The following KLRB1 variants were observed in gnomAD, a reference collection of about 807,000 sequenced individuals.
KLRB1 encodes killer cell lectin like receptor B1, also known as killer cell lectin-like receptor subfamily B member 1.
Under a neutral mutation model 33.5 loss-of-function variants are expected in KLRB1, and 27 were observed. That is an observed-to-expected ratio of 0.81 (90% CI 0.59 to 1.11). The LOEUF is 1.11. Ranked by LOEUF, KLRB1 falls within the 50% of genes most tolerant of loss-of-function variation. The probability of loss-of-function intolerance (pLI) is 0.00; values close to 1 mark genes in which losing one functional copy is unlikely to be tolerated. For synonymous variants in KLRB1, 64 were observed against 88.9 expected (o/e 0.72, Z 1.58); for missense variants, 241 against 254.1 (o/e 0.95, Z 0.35).
intron 1 of KLRB1, among the ~76,000 whole-genome samples, chr12:9,602,421 T>A (rs1864555993): frequency 6.6e-6 from 1 of 151,972 alleles, no homozygotes; most frequent in African/African-American, 2.4e-5. Context: ...AGAAAAAAAA[T>A]AAAGAGAGAT....
intron 1 of KLRB1, among the ~76,000 whole-genome samples, chr12:9,607,325 C>G (rs1346800841): frequency 7.7e-5 from 4 of 52,210 alleles, no homozygotes; most frequent in Admixed American, 4.4e-4. Context: ...TCTTTTCTTT[C>G]TCTTTCTTTC....
At chr12:9,601,703 A>C in intron 1 of KLRB1, 104 bp from the exon 2 acceptor site, 1 of 706,882 alleles carries the variant, frequency 1.4e-6, no homozygotes, top group Non-Finnish European at 2.5e-6. Context: ...ACTTGGGATA[A>C]CATAGGGACA....
chr12:9,606,760 A>ATT (rs1185510083), intron 1 of KLRB1, among the ~76,000 whole-genome samples: 5 of 63,736 alleles, frequency 7.8e-5, no homozygotes, highest in South Asian at 8.0e-4. Context: ...ATATATATAT[A>ATT]TTTTTTTTTT....
intron 2 of KLRB1, 98 bp from the exon 3 acceptor site, chr12:9,599,939 C>T (rs769211469): frequency 3.1e-5 from 21 of 686,590 alleles, no homozygotes; most frequent in East Asian, 1.1e-4. Flanking sequence ...AATCTCAACA[C>T]GCTTGAATAT....
At chr12:9,607,589 T>A (rs188118385) in intron 1 of KLRB1, 166 bp downstream of exon 1, 1 of 564,260 alleles carries the variant, frequency 1.8e-6, no homozygotes, top group African/African-American at 1.9e-5. Flanking sequence ...TTAAATTTTT[T>A]TTCCCAAAGT....
At chr12:9,604,187 A>G (rs1441723574) in intron 1 of KLRB1, among the ~76,000 whole-genome samples, 2 of 152,174 alleles carry the variant, frequency 1.3e-5, no homozygotes, top group African/African-American at 2.4e-5. Context: ...TGAAGTTACA[A>G]TGAATCACTA....
At chr12:9,603,975 T>C (rs1045729081) in intron 1 of KLRB1, among the ~76,000 whole-genome samples, 1 of 152,076 alleles carries the variant, frequency 6.6e-6, no homozygotes, top group African/African-American at 2.4e-5. Flanking sequence ...GTCTGGCACA[T>C]GGTAACTGTT....
intron 1 of KLRB1, among the ~76,000 whole-genome samples, chr12:9,603,425 C>CTATTTATT (rs56793467): frequency 3.7e-4 from 56 of 150,492 alleles, no homozygotes; most frequent in African/African-American, 1.0e-3. Context: ...TAACTTAATT[C>CTATTTATT]TATTTATTTA....
intron 3 of KLRB1, 94 bp downstream of exon 3, chr12:9,599,673 A>C: frequency 1.2e-6 from 1 of 835,984 alleles, no homozygotes; most frequent in Non-Finnish European, 2.1e-6. Flanking sequence ...AGAATATCTT[A>C]ACATATGGAT....
Position 9,605,070 on chromosome 12 carries a change from G to C in KLRB1, c.85+2685C>G, listed in dbSNP as rs953074621. Among the ~76,000 whole-genome samples, 13 of 152,104 alleles carry C rather than the reference G, an allele frequency of 8.5e-5. 1 individual carries two copies. Among genetic ancestry groups the C allele is most frequent in the Admixed American group, 6.6e-4 (10 of 15,254 alleles). On this transcript the variant is annotated intron_variant, in intron 1 of 5. Transcript: ENST00000229402. ...GTTCTCATTGTTCAATTCCCACTAT[G>C]AGTGAGAATATGCGGTGTTTGGCTT...
intron 2 of KLRB1, among the ~76,000 whole-genome samples, 149 bp downstream of exon 2, chr12:9,601,346 TTGTCTC>T (rs1234296438): frequency 4.0e-5 from 6 of 151,742 alleles, no homozygotes; most frequent in South Asian, 2.1e-4. Flanking sequence ...TCTCTATACT[TTGTCTC>T]TGTGTCTTTT....
intron 1 of KLRB1, among the ~76,000 whole-genome samples, chr12:9,606,678 A>G (rs1322526151): frequency 4.6e-5 from 4 of 87,696 alleles, no homozygotes; most frequent in Non-Finnish European, 8.3e-5. Flanking sequence ...TATATAAAAT[A>G]TATGTATAAA....
chr12:9,607,708 A>C (rs1328480825), intron 1 of KLRB1, 47 bp downstream of exon 1: 1 of 1,220,872 alleles, frequency 8.2e-7, no homozygotes, highest in African/African-American at 1.5e-5. Context: ...GGAAGATCTA[A>C]TTCTGGAAGA....
In KLRB1 at chr12:9,595,086, G is replaced by T; in HGVS notation, c.*188C>A. ...GATGCACGTTTTTCTCTATGTCTCT[G>T]TTTCCTCATTTAATAGAATGAATAT... On this transcript the variant is annotated 3_prime_UTR_variant, in exon 6 of 6. Coordinates refer to ENST00000229402, the MANE Select transcript of KLRB1 (RefSeq NM_002258.3). The T allele has an allele frequency of 1.8e-6, 1 of 564,876 alleles. No homozygotes were observed. Among genetic ancestry groups the T allele is most frequent in the Non-Finnish European group, 3.1e-6 (1 of 319,188 alleles). The allele number at this position is 564,876 out of a possible 1,614,324, so 35.0% of individuals were successfully genotyped here.
chr12:9,597,868 T>C (rs1038574823), intron 5 of KLRB1, among the ~76,000 whole-genome samples, 178 bp downstream of exon 5: 1 of 152,188 alleles, frequency 6.6e-6, no homozygotes, highest in African/African-American at 2.4e-5. Context: ...AGAGCTGATA[T>C]CTTTTCATAT....
chr12:9,597,995 G>T, intron 5 of KLRB1, 51 bp downstream of exon 5: 1 of 861,290 alleles, frequency 1.2e-6, no homozygotes, highest in Non-Finnish European at 1.9e-6. Flanking sequence ...CTACCTTGCA[G>T]TGTAAACCTG....
In KLRB1 at chr12:9,595,494, C is replaced by T. The variant is rs191312651; in HGVS notation, c.531-73G>A. The T allele has an allele frequency of 3.3e-5, 46 of 1,381,478 alleles. No individual in the cohort carries two copies. In the East Asian group the frequency reaches 1.0e-3, roughly 30 times the overall value. 85.6% of individuals were successfully genotyped at this position (1,381,478 alleles called of 1,614,324 possible). ...AGCTATTCTCACTTAGCCATTATTTCCTAGGACTCTCAGGAAGCAGTAGAA... is the reference window on the plus strand; with the variant it reads ...AGCTATTCTCACTTAGCCATTATTTTCTAGGACTCTCAGGAAGCAGTAGAA... On this transcript the variant is annotated intron_variant, in intron 5 of 5. Transcript: ENST00000229402.
chr12:9,598,255 T>C, intron 4 of KLRB1, 94 bp from the exon 5 acceptor site: 1 of 836,538 alleles, frequency 1.2e-6, no homozygotes, highest in Non-Finnish European at 2.0e-6. Flanking sequence ...CTCTGAAGTC[T>C]TTCCTAACTC....
intron 2 of KLRB1, 62 bp from the exon 3 acceptor site, chr12:9,599,903 A>G: frequency 1.1e-6 from 1 of 923,466 alleles, no homozygotes; most frequent in African/African-American, 1.6e-5. Flanking sequence ...TGGATATATT[A>G]TATTTGTTAC....
Sources: allele counts gnomAD v4.1 joint callset (sites outside exome capture counted in the v4.1 genomes callset), GRCh38; gene constraint gnomAD v4.1.1; transcripts MANE v1.5; gene names NCBI Gene and HGNC (gene_info 2026-07-23, HGNC 2026-07-21).